Variants in MBD5 observed in about 807,000 individuals in gnomAD.
The protein encoded by MBD5 is methyl-CpG-binding domain protein 5.
Under a neutral mutation model 117.3 loss-of-function variants are expected in MBD5, and 13 were observed. That is an observed-to-expected ratio of 0.11 (90% CI 0.07 to 0.18). The LOEUF is 0.18. Among genes scored for constraint, MBD5 ranks in the 10% least tolerant of loss-of-function variants. The pLI, the probability that MBD5 is intolerant of heterozygous loss-of-function variation, is 1.00. For synonymous variants in MBD5, 727 were observed against 766.4 expected (o/e 0.95, Z 0.85); for missense variants, 1,879 against 2,093.8 (o/e 0.90, Z 2.00).
At chr2:148,366,810 G>A (rs1011034399) in intron 4 of MBD5, among the ~76,000 whole-genome samples, 2 of 152,186 alleles carry the variant, frequency 1.3e-5, no homozygotes, top group Non-Finnish European at 2.9e-5. Flanking sequence ...ACAGACCACT[G>A]CTGAAGAAAA....
intron 3 of MBD5, among the ~76,000 whole-genome samples, chr2:148,253,538 A>C (rs964790538): frequency 4.2e-4 from 64 of 152,310 alleles, no homozygotes; most frequent in African/African-American, 1.5e-3. Flanking sequence ...TGTTGCAATA[A>C]AGTGAACCAT....
chr2:148,182,979 G>GCCA (rs1374918402), intron 2 of MBD5, among the ~76,000 whole-genome samples: 2 of 152,100 alleles, frequency 1.3e-5, no homozygotes, highest in African/African-American at 4.8e-5. Flanking sequence ...AACTCCCTCT[G>GCCA]CCACATACCT....
At chr2:148,341,441 G>T (rs1451695072) in intron 3 of MBD5, among the ~76,000 whole-genome samples, 2 of 151,772 alleles carry the variant, frequency 1.3e-5, no homozygotes, top group African/African-American at 4.8e-5. Flanking sequence ...CTACAAAATG[G>T]TAATACTAAC....
At chr2:148,490,825 A>C in intron 11 of MBD5, 2 of 554,830 alleles carry the variant, frequency 3.6e-6, no homozygotes, top group Non-Finnish European at 6.3e-6. Context: ...ACTAGGGCTC[A>C]GGGTGGCTGT....
At chr2:148,275,769 CT>C (rs905502617) in intron 3 of MBD5, among the ~76,000 whole-genome samples, 163 of 144,880 alleles carry the variant, frequency 1.1e-3, no homozygotes, top group African/African-American at 1.6e-3. Flanking sequence ...CTGGAAATCA[CT>C]TTTTTTTTTT....
At chr2:148,275,318 A>G (rs1036432078) in intron 3 of MBD5, among the ~76,000 whole-genome samples, 2 of 151,926 alleles carry the variant, frequency 1.3e-5, no homozygotes, top group Admixed American at 1.3e-4. Flanking sequence ...TTACCTTCTC[A>G]CATTTTTATT....
intron 2 of MBD5, among the ~76,000 whole-genome samples, chr2:148,179,272 G>A (rs1698463150): frequency 1.3e-5 from 2 of 151,084 alleles, no homozygotes; most frequent in South Asian, 4.2e-4. Context: ...GGAGAATGGC[G>A]TGAACCCGGG....
At chr2:148,056,802 G>T (rs184449046) in intron 1 of MBD5, among the ~76,000 whole-genome samples, 103 of 151,950 alleles carry the variant, frequency 6.8e-4, no homozygotes, top group African/African-American at 2.2e-3. Context: ...TATAAGATTA[G>T]AATTGTGTTT....
intron 1 of MBD5, among the ~76,000 whole-genome samples, chr2:148,132,358 A>ATG (rs1422333522): frequency 6.8e-6 from 1 of 147,956 alleles, no homozygotes; most frequent in Non-Finnish European, 1.5e-5. Context: ...ATACACATAT[A>ATG]TATATATATA....
At chr2:148,231,714 G>C (rs753529909) in intron 2 of MBD5, among the ~76,000 whole-genome samples, 6 of 152,158 alleles carry the variant, frequency 3.9e-5, no homozygotes. Flanking sequence ...TGACTTCAGG[G>C]TGCTTTCCCA....
rs181685846 is a variant in MBD5, at chr2:148,247,187, G to T, written c.-680+13792G>T. On this transcript the variant is annotated intron_variant, in intron 3 of 13. Transcript: ENST00000642680. ...ATCACTGTTTCTTGAAACCATGGTT[G>T]GTATAAATATTACTTTTTATTCAGT... 1.5e-3 allele frequency among the ~76,000 whole-genome samples: 229 copies of T among 152,026 alleles called. 1 individual carries two copies. Among genetic ancestry groups the T allele is most frequent in the Non-Finnish European group, 2.7e-3 (186 of 67,976 alleles).
chr2:148,083,655 TC>T (rs1695704643), intron 1 of MBD5, among the ~76,000 whole-genome samples: 1 of 152,010 alleles, frequency 6.6e-6, no homozygotes, highest in East Asian at 1.9e-4. Flanking sequence ...TGAGACGGAG[TC>T]TTGCTGTGTC....
intron 1 of MBD5, among the ~76,000 whole-genome samples, chr2:148,079,944 C>A (rs1336984687): frequency 6.6e-6 from 1 of 152,032 alleles, no homozygotes; most frequent in Non-Finnish European, 1.5e-5. Flanking sequence ...TCCAGAACCT[C>A]AAGGCTAGTT....
intron 1 of MBD5, among the ~76,000 whole-genome samples, chr2:148,130,556 TA>T (rs11402326): frequency 0.37 from 55,609 of 149,068 alleles, 10,871 homozygotes; most frequent in South Asian, 0.5. Flanking sequence ...TGTGTGATAT[TA>T]AAAAAAAAAA....
At chr2:148,367,187 A>G (rs1429553959) in intron 4 of MBD5, among the ~76,000 whole-genome samples, 2 of 152,192 alleles carry the variant, frequency 1.3e-5, no homozygotes, top group Non-Finnish European at 2.9e-5. Context: ...ATCTACAACC[A>G]TCTGATCTTT....
At chr2:148,413,153 T>C (rs892492209) in intron 4 of MBD5, among the ~76,000 whole-genome samples, 3 of 152,102 alleles carry the variant, frequency 2.0e-5, no homozygotes, top group Non-Finnish European at 4.4e-5. Flanking sequence ...GCCTAGTTCA[T>C]TGAGGGTTTT....
chr2:148,471,143 G>GT (rs1680784065), intron 8 of MBD5: 1 of 151,958 alleles, frequency 6.6e-6, no homozygotes, highest in Admixed American at 6.6e-5. Context: ...TCTTGAAATT[G>GT]TTTTTTGAGT....
At chr2:148,220,646 T>C (rs955768939) in intron 2 of MBD5, among the ~76,000 whole-genome samples, 1 of 152,178 alleles carries the variant, frequency 6.6e-6, no homozygotes, top group African/African-American at 2.4e-5. Flanking sequence ...TGTATATATT[T>C]GTACGATATA....
chr2:148,158,021 C>T (rs977444411), intron 1 of MBD5, among the ~76,000 whole-genome samples: 9 of 152,060 alleles, frequency 5.9e-5, no homozygotes, highest in Admixed American at 3.9e-4. Context: ...GTTAATTTTA[C>T]ATTATATGAA....
Sources: gnomAD v4.1 joint callset for allele counts (sites outside exome capture counted in the v4.1 genomes callset) on GRCh38, gnomAD v4.1.1 for gene constraint, MANE v1.5 for transcripts, NCBI Gene and HGNC (gene_info 2026-07-23, HGNC 2026-07-21) for gene names.